The following EIF2B3 variants were observed in gnomAD, a reference collection of about 807,000 sequenced individuals.
EIF2B3 encodes translation initiation factor eIF2B subunit gamma.
EIF2B3 carries 20 observed loss-of-function variants against 54.1 expected under a neutral mutation model. The ratio of observed to expected loss-of-function variants is 0.37; its 90% CI spans 0.26 to 0.54. The LOEUF (loss-of-function observed/expected upper bound fraction) is 0.54, where lower values mean the gene tolerates loss of function less well. EIF2B3 is among the 20% of genes least tolerant of loss of function. EIF2B3 has a pLI of 0.86. For missense variants in EIF2B3, 448 were observed against 547.8 expected (o/e 0.82, Z 1.82); for synonymous variants, 153 against 188.1 (o/e 0.81, Z 1.52).
intron 3 of EIF2B3, among the ~76,000 whole-genome samples, chr1:44,946,894 A>G (rs548551615): frequency 9.8e-5 from 15 of 152,344 alleles, no homozygotes; most frequent in African/African-American, 2.4e-4. Flanking sequence ...AGAAAAACTG[A>G]TAAGACCCAG....
intron 6 of EIF2B3, among the ~76,000 whole-genome samples, chr1:44,895,730 A>G (rs1238102903): frequency 1.3e-5 from 2 of 152,220 alleles, no homozygotes; most frequent in Non-Finnish European, 2.9e-5. Context: ...GGTGGCATAT[A>G]TAAAACAAAA....
At chr1:44,925,710 G>T (rs1643837537) in intron 5 of EIF2B3, among the ~76,000 whole-genome samples, 1 of 150,966 alleles carries the variant, frequency 6.6e-6, no homozygotes, top group African/African-American at 2.4e-5. Flanking sequence ...GTGGACTACG[G>T]GTCAGGAGTT....
intron 11 of EIF2B3, among the ~76,000 whole-genome samples, chr1:44,853,550 G>A (rs997998132): frequency 6.6e-6 from 1 of 152,160 alleles, no homozygotes; most frequent in African/African-American, 2.4e-5. Context: ...AGGCTACAGT[G>A]AGCTGTGACT....
chr1:44,926,211 G>A (rs1025316066), intron 5 of EIF2B3, among the ~76,000 whole-genome samples: 30 of 152,304 alleles, frequency 2.0e-4, no homozygotes, highest in African/African-American at 6.7e-4. Flanking sequence ...CTGGGTGACA[G>A]AGTGAGACTC....
intron 5 of EIF2B3, among the ~76,000 whole-genome samples, chr1:44,905,157 T>G (rs1484719930): frequency 6.6e-6 from 1 of 152,160 alleles, no homozygotes; most frequent in Non-Finnish European, 1.5e-5. Context: ...TAGGAGTGCA[T>G]ATGGAGTTAT....
At chr1:44,973,501 T>G (rs1218361055) in intron 3 of EIF2B3, among the ~76,000 whole-genome samples, 1 of 152,112 alleles carries the variant, frequency 6.6e-6, no homozygotes, top group African/African-American at 2.4e-5. Flanking sequence ...CGTTCGAGAC[T>G]AGCCTGGCCA....
intron 5 of EIF2B3, among the ~76,000 whole-genome samples, chr1:44,911,211 C>T (rs889223937): frequency 5.3e-5 from 8 of 152,182 alleles, no homozygotes; most frequent in Admixed American, 1.3e-4. Context: ...GAGCACAACA[C>T]CCCAGAGGGT....
At chr1:44,856,619 A>G (rs10159318) in intron 11 of EIF2B3, among the ~76,000 whole-genome samples, 24,725 of 151,398 alleles carry the variant, frequency 0.16, 2,102 homozygotes, top group Non-Finnish European at 0.17. Flanking sequence ...TGAGATGTGA[A>G]CTGAGGTCTG....
At chr1:44,871,457 A>G (rs1235581095) in intron 10 of EIF2B3, among the ~76,000 whole-genome samples, 1 of 152,330 alleles carries the variant, frequency 6.6e-6, no homozygotes, top group South Asian at 2.1e-4. Context: ...ATTACCTATC[A>G]AACGCCTCAG....
At chr1:44,938,040 C>G (rs1470727040) in intron 4 of EIF2B3, among the ~76,000 whole-genome samples, 1 of 151,688 alleles carries the variant, frequency 6.6e-6, no homozygotes, top group East Asian at 1.9e-4. Flanking sequence ...AGAAAGGTGG[C>G]TCCAGAAACA....
At chr1:44,979,062 G>A (rs560932816) in intron 2 of EIF2B3, among the ~76,000 whole-genome samples, 42 of 151,504 alleles carry the variant, frequency 2.8e-4, no homozygotes, top group Admixed American at 3.9e-4. Context: ...CGAGGCAGGC[G>A]GATCACTTGA....
chr1:44,962,835 T>G (rs956204161), intron 3 of EIF2B3, among the ~76,000 whole-genome samples: 1 of 152,244 alleles, frequency 6.6e-6, no homozygotes, highest in Non-Finnish European at 1.5e-5. Flanking sequence ...ACAAACTCTT[T>G]GTGCCAGGCC....
intron 3 of EIF2B3, among the ~76,000 whole-genome samples, chr1:44,950,040 A>T (rs764621091): frequency 6.6e-6 from 1 of 152,232 alleles, no homozygotes; most frequent in African/African-American, 2.4e-5. Flanking sequence ...GAAAAAAACA[A>T]GAGATTTTTT....
intron 3 of EIF2B3, among the ~76,000 whole-genome samples, chr1:44,971,390 A>ATG (rs1644398353): frequency 7.0e-6 from 1 of 142,742 alleles, no homozygotes; most frequent in African/African-American, 2.8e-5. Context: ...AAAAAAAAAA[A>ATG]TCAAAGTCAT....
intron 1 of EIF2B3, among the ~76,000 whole-genome samples, chr1:44,984,883 T>G (rs1413479782): frequency 1.4e-5 from 2 of 139,884 alleles, no homozygotes; most frequent in Non-Finnish European, 3.0e-5. Flanking sequence ...CTCGGCTCAC[T>G]GCAAGCTCCG....
At position 44,982,892 on chromosome 1, in the gene EIF2B3, A is replaced by T. The variant is rs145677615; in HGVS notation, c.-9-1715T>A. 4.4e-3 allele frequency among the ~76,000 whole-genome samples: 671 copies of T among 151,576 alleles called. 1 individual carries two copies. The highest frequency in any genetic ancestry group is 6.4e-3 in the Non-Finnish European group (435 of 67,894). ...ATTCTCCTGCCTCAGCCTCCCAAAG[A>T]GCTGGGATTATAGGCATGCACCACC... On this transcript the variant is annotated intron_variant, in intron 1 of 11. Transcript: ENST00000360403.
At chr1:44,967,794 C>T (rs1253952913) in intron 3 of EIF2B3, among the ~76,000 whole-genome samples, 5 of 149,114 alleles carry the variant, frequency 3.4e-5, no homozygotes, top group African/African-American at 5.0e-5. Flanking sequence ...AATCCCAGCA[C>T]TTTGGGAGGC....
chr1:44,879,822 C>T lies in EIF2B3; in HGVS notation c.971G>A (p.Arg324Lys), dbSNP rs1256799241. ...TTTTCTAACTCATGCTCTCACCTGT[C>T]TGTTTGCTTCCATGTAGAGTCCCAG... is the stretch of plus-strand genomic sequence containing the variant. ...STLGLYMEAN[R>K]QVPKLLSALC... is the part of the protein sequence containing the mutation. Residue 324 changes from arginine to lysine, a missense_variant, in exon 8 of 12, where the codon AGA (arginine) becomes AAA (lysine). Physicochemically the swap from Arg to Lys is conservative, Grantham distance 26 (BLOSUM62 2). Transcript: ENST00000360403. 1.2e-6 allele frequency: 2 copies of T among 1,613,772 alleles called. No homozygotes were observed. The highest frequency in any genetic ancestry group is 1.1e-5 in the South Asian group (1 of 91,058).
At chr1:44,934,362 C>A (rs1643924117) in intron 4 of EIF2B3, among the ~76,000 whole-genome samples, 1 of 151,972 alleles carries the variant, frequency 6.6e-6, no homozygotes, top group Non-Finnish European at 1.5e-5. Context: ...TGTGCCACTG[C>A]GATCTAGCCT....
Sources: allele counts gnomAD v4.1 joint callset (sites outside exome capture counted in the v4.1 genomes callset), GRCh38; gene constraint gnomAD v4.1.1; transcripts MANE v1.5; gene names NCBI Gene and HGNC (gene_info 2026-07-23, HGNC 2026-07-21).